ERC2: variants seen among roughly 807,000 people sequenced by gnomAD.
ERC2 encodes ERC protein 2.
Under a neutral mutation model 114.8 loss-of-function variants are expected in ERC2, and 42 were observed. That is an observed-to-expected ratio of 0.37 (90% confidence interval 0.29 to 0.47). The LOEUF (loss-of-function observed/expected upper bound fraction) is 0.47, where lower values mean the gene tolerates loss of function less well. ERC2 is among the 20% of genes least tolerant of loss of function. The pLI, the probability that ERC2 is intolerant of heterozygous loss-of-function variation, is 0.99. For synonymous variants in ERC2, 454 were observed against 425.5 expected, an observed-to-expected ratio of 1.07 and a Z score of -0.82; for missense variants, 939 against 1,150.7, an observed-to-expected ratio of 0.82 and a Z score of 2.66.
intron 3 of ERC2, among the ~76,000 whole-genome samples, chr3:56,277,729 A>T (rs1286577281): frequency 1.5e-5 from 2 of 137,644 alleles, no homozygotes; most frequent in Admixed American, 8.0e-5. Context: ...AAGCCTGATT[A>T]AAAAACAAGC....
chr3:56,317,269 A>G (rs963500061), intron 2 of ERC2, among the ~76,000 whole-genome samples: 1 of 152,224 alleles, frequency 6.6e-6, no homozygotes, highest in Non-Finnish European at 1.5e-5. Context: ...AGTGAAGGGC[A>G]CGGGCAAAGG....
At chr3:56,112,026 TA>T (rs1264318616) in intron 6 of ERC2, among the ~76,000 whole-genome samples, 1 of 152,238 alleles carries the variant, frequency 6.6e-6, no homozygotes, top group Non-Finnish European at 1.5e-5. Context: ...CTGTGCAGAA[TA>T]AAAATTTGAA....
At chr3:55,590,599 C>A (rs1308109145) in intron 17 of ERC2, among the ~76,000 whole-genome samples, 1 of 152,244 alleles carries the variant, frequency 6.6e-6, no homozygotes, top group Admixed American at 6.5e-5. Flanking sequence ...AAAGGAGGAA[C>A]TTGATACAGT....
intron 13 of ERC2, 79 bp downstream of exon 13, chr3:55,950,346 T>A: frequency 6.5e-7 from 1 of 1,545,294 alleles, no homozygotes; most frequent in Non-Finnish European, 8.8e-7. Context: ...CTGTGCATAT[T>A]TTCTGGCACC....
intron 14 of ERC2, among the ~76,000 whole-genome samples, chr3:55,873,004 T>A (rs543830214): frequency 1.1e-4 from 17 of 152,268 alleles, no homozygotes; most frequent in South Asian, 8.3e-4. Flanking sequence ...GGAGGGAAAT[T>A]GACACTGTCA....
intron 14 of ERC2, among the ~76,000 whole-genome samples, chr3:55,792,683 C>T (rs1257098234): frequency 4.6e-5 from 7 of 152,164 alleles, no homozygotes; most frequent in African/African-American, 1.4e-4. Context: ...ATCTGGATCC[C>T]GGACAACTTT....
intron 1 of ERC2, among the ~76,000 whole-genome samples, chr3:56,438,501 C>T (rs1352573281): frequency 6.6e-6 from 1 of 152,146 alleles, no homozygotes; most frequent in Non-Finnish European, 1.5e-5. Flanking sequence ...GTGCAGCAAG[C>T]AGCAGGACCT....
rs77454701 is a variant in ERC2, at chr3:55,910,019, G to T, written c.2404-21470C>A. On this transcript the variant is annotated intron_variant, in intron 13 of 17. Transcript: ENST00000288221. ...ACATACATATACGTTATGTATTCAG[G>T]TTGTTTTTTTTCTCTAAATATTCTG... is the stretch of plus-strand genomic sequence containing the variant. Among the ~76,000 whole-genome samples the T allele has an allele frequency of 3.8e-3, 585 of 152,168 alleles. 2 individuals are homozygous for T. Among genetic ancestry groups the T allele is most frequent in the African/African-American group, 0.013 (558 of 41,482 alleles).
At chr3:55,960,711 A>C (rs1411484853) in intron 12 of ERC2, among the ~76,000 whole-genome samples, 1 of 152,172 alleles carries the variant, frequency 6.6e-6, no homozygotes, top group African/African-American at 2.4e-5. Flanking sequence ...CATCATGTCC[A>C]AGTTGGACGA....
intron 6 of ERC2, among the ~76,000 whole-genome samples, chr3:56,134,925 TTTTTG>T (rs557940297): frequency 0.012 from 1,601 of 133,458 alleles, 32 homozygotes; most frequent in African/African-American, 0.04. Flanking sequence ...TTTTTGTTTT[TTTTTG>T]TTTTTGTTTT....
chr3:56,299,277 G>A (rs543212871), intron 2 of ERC2, among the ~76,000 whole-genome samples: 215 of 151,430 alleles, frequency 1.4e-3, no homozygotes, highest in Middle Eastern at 3.4e-3. Flanking sequence ...ACAGGTGCCC[G>A]CCATCACGCC....
chr3:55,804,293 T>C (rs970970734), intron 14 of ERC2, among the ~76,000 whole-genome samples: 8 of 152,188 alleles, frequency 5.3e-5, no homozygotes, highest in Admixed American at 3.3e-4. Flanking sequence ...CAGGCCTGCA[T>C]TTACTCACAG....
At chr3:56,125,555 C>A (rs752031064) in intron 6 of ERC2, among the ~76,000 whole-genome samples, 1 of 152,122 alleles carries the variant, frequency 6.6e-6, no homozygotes, top group African/African-American at 2.4e-5. Context: ...AGTCTTACAG[C>A]GACTGGCTAG....
intron 14 of ERC2, among the ~76,000 whole-genome samples, chr3:55,820,170 G>A (rs1340774172): frequency 6.6e-6 from 1 of 152,142 alleles, no homozygotes; most frequent in African/African-American, 2.4e-5. Flanking sequence ...CACATGGAGG[G>A]TGGGGTTAGG....
intron 7 of ERC2, among the ~76,000 whole-genome samples, chr3:56,032,404 C>T (rs1477858587): frequency 1.3e-5 from 2 of 151,806 alleles, no homozygotes; most frequent in African/African-American, 4.8e-5. Context: ...TTATGGGCCG[C>T]CATTAAGCAA....
intron 7 of ERC2, among the ~76,000 whole-genome samples, chr3:56,032,897 G>GAGAGAGAGAA (rs1553781757): frequency 1.5e-5 from 1 of 66,368 alleles, no homozygotes; most frequent in Non-Finnish European, 3.2e-5. Context: ...GAGAGAGAGA[G>GAGAGAGAGAA]AGACAGAAAG....
chr3:55,852,206 T>C (rs2061603870), intron 14 of ERC2, among the ~76,000 whole-genome samples: 2 of 152,250 alleles, frequency 1.3e-5, no homozygotes, highest in Middle Eastern at 3.4e-3. Context: ...GGTGACAGGG[T>C]GAGTCTCTGT....
intron 5 of ERC2, among the ~76,000 whole-genome samples, chr3:56,144,268 T>C (rs2081022835): frequency 6.6e-6 from 1 of 152,208 alleles, no homozygotes; most frequent in African/African-American, 2.4e-5. Context: ...AAGTTCTCTC[T>C]CTCTCATACA....
intron 14 of ERC2, among the ~76,000 whole-genome samples, chr3:55,779,327 C>CAAAAAAAA (rs60185894): frequency 6.9e-3 from 428 of 62,430 alleles, no homozygotes; most frequent in African/African-American, 7.2e-3. Context: ...ACTAAAAATA[C>CAAAAAAAA]AAAAAAAAAA....
Sources: gnomAD v4.1 joint callset for allele counts (sites outside exome capture counted in the v4.1 genomes callset) on GRCh38, gnomAD v4.1.1 for gene constraint, MANE v1.5 for transcripts, NCBI Gene and HGNC (gene_info 2026-07-23, HGNC 2026-07-21) for gene names.